TRIM2: variants seen among roughly 807,000 people sequenced by gnomAD.
The protein encoded by TRIM2 is tripartite motif containing 2.
In TRIM2, 20 loss-of-function variants were observed where a neutral mutation model predicts 75.2. That is an observed-to-expected ratio of 0.27 (90% confidence interval 0.19 to 0.39). The LOEUF (loss-of-function observed/expected upper bound fraction) is 0.39, where lower values mean the gene tolerates loss of function less well. Among genes scored for constraint, TRIM2 ranks in the 10% least tolerant of loss-of-function variants. The pLI is 1.00. For missense variants in TRIM2, 660 were observed against 990.8 expected (o/e 0.67, Z 4.48); for synonymous variants, 373 against 388.3 (o/e 0.96, Z 0.46).
At chr4:153,300,008 T>C (rs1157044176) in intron 6 of TRIM2, among the ~76,000 whole-genome samples, 1 of 152,232 alleles carries the variant, frequency 6.6e-6, no homozygotes, top group Non-Finnish European at 1.5e-5. Context: ...CACCCTTCTA[T>C]AGAAGTAAAA....
At chr4:153,173,641 C>T (rs7671132) in intron 1 of TRIM2, among the ~76,000 whole-genome samples, 71,427 of 150,028 alleles carry the variant, frequency 0.48, 17,124 homozygotes, top group African/African-American at 0.54. Context: ...CCAGCCTGGA[C>T]GACAAGAGCA....
In TRIM2 at chr4:153,248,146, C is replaced by T. The variant is rs1210290552; in HGVS notation, c.31-22189C>T. Among the ~76,000 whole-genome samples, 1 of 152,076 alleles carries T rather than the reference C, an allele frequency of 6.6e-6. No homozygotes were observed. Among genetic ancestry groups the T allele is most frequent in the Admixed American group, 6.6e-5 (1 of 15,260 alleles). On this transcript the variant is annotated intron_variant, in intron 1 of 11. Transcript: ENST00000338700. This position sits in a 1 kb window ranked among gnomAD's most constrained non-coding sequence, Gnocchi z 4.0. The stretch of plus-strand genomic sequence containing the variant: ...GAATAGCTGGGATTACAGGCGCCTG[C>T]CACCATGCCCGGCTAATTTTTATAC...
intron 11 of TRIM2, among the ~76,000 whole-genome samples, chr4:153,330,567 T>TA (rs932249404): frequency 2.6e-5 from 4 of 151,956 alleles, no homozygotes; most frequent in African/African-American, 9.7e-5. Flanking sequence ...AAAATAAAAA[T>TA]AAAGAAAATC....
chr4:153,168,501 C>T (rs914052493), intron 1 of TRIM2, among the ~76,000 whole-genome samples: 7 of 152,034 alleles, frequency 4.6e-5, no homozygotes, highest in Non-Finnish European at 1.0e-4. Flanking sequence ...TGACCAAAGG[C>T]AGGCACTGGG....
At chr4:153,276,824 T>C (rs983878533) in intron 3 of TRIM2, among the ~76,000 whole-genome samples, 2 of 152,228 alleles carry the variant, frequency 1.3e-5, no homozygotes, top group African/African-American at 4.8e-5. Context: ...TATTAAACTC[T>C]CTGCGTCTCA....
At chr4:153,222,062 A>AAGG (rs1553966652) in intron 1 of TRIM2, among the ~76,000 whole-genome samples, 1 of 147,924 alleles carries the variant, frequency 6.8e-6, no homozygotes, top group African/African-American at 2.5e-5. Flanking sequence ...GGGAGGAAGG[A>AAGG]AGGAAGGAAA....
At chr4:153,290,186 T>C (rs1369423611) in intron 3 of TRIM2, among the ~76,000 whole-genome samples, 1 of 152,200 alleles carries the variant, frequency 6.6e-6, no homozygotes, top group Non-Finnish European at 1.5e-5. Flanking sequence ...TCTCAGAATT[T>C]AGTGGGGAAT....
chr4:153,261,025 T>G (rs1411562084), intron 1 of TRIM2, among the ~76,000 whole-genome samples: 1 of 152,210 alleles, frequency 6.6e-6, no homozygotes, highest in African/African-American at 2.4e-5. Context: ...ATACTGTGAT[T>G]TATAGATAAT....
At chr4:153,233,777 C>G (rs1391721231) in intron 1 of TRIM2, among the ~76,000 whole-genome samples, 3 of 152,112 alleles carry the variant, frequency 2.0e-5, no homozygotes, top group African/African-American at 4.8e-5. Context: ...CATTCAGGGT[C>G]TATGATATCT....
chr4:153,190,974 C>T (rs542608473), intron 1 of TRIM2, among the ~76,000 whole-genome samples: 29 of 152,236 alleles, frequency 1.9e-4, no homozygotes, highest in African/African-American at 6.3e-4. Context: ...TGACCCCAAG[C>T]GATCCACCAC....
intron 11 of TRIM2, among the ~76,000 whole-genome samples, chr4:153,331,869 A>G (rs1344884841): frequency 2.0e-5 from 3 of 152,238 alleles, no homozygotes; most frequent in Non-Finnish European, 4.4e-5. Flanking sequence ...GCATTTTGAC[A>G]AAGGTACAAA....
chr4:153,263,304 G>A (rs960040143), intron 1 of TRIM2, among the ~76,000 whole-genome samples: 3 of 152,004 alleles, frequency 2.0e-5, no homozygotes, highest in East Asian at 1.9e-4. Context: ...ACTGCAGCAC[G>A]GGTGACAGAG....
chr4:153,197,243 A>G (rs957276743), intron 1 of TRIM2, among the ~76,000 whole-genome samples: 1 of 152,180 alleles, frequency 6.6e-6, no homozygotes, highest in African/African-American at 2.4e-5. Flanking sequence ...TCACCTCCTT[A>G]ATGGGTTGTG....
chr4:153,261,274 T>G (rs1753510163), intron 1 of TRIM2, among the ~76,000 whole-genome samples: 1 of 152,082 alleles, frequency 6.6e-6, no homozygotes, highest in African/African-American at 2.4e-5. Context: ...ATACAAAAAT[T>G]TAGCTGGTTG....
At chr4:153,181,548 A>C (rs1732060396) in intron 1 of TRIM2, among the ~76,000 whole-genome samples, 1 of 152,190 alleles carries the variant, frequency 6.6e-6, no homozygotes, top group Non-Finnish European at 1.5e-5. Context: ...TCATGACCAC[A>C]CATGCTGCCA....
chr4:153,243,337 A>G (rs933235619), intron 1 of TRIM2, among the ~76,000 whole-genome samples: 9 of 152,138 alleles, frequency 5.9e-5, no homozygotes, highest in African/African-American at 1.9e-4. Flanking sequence ...TGAAGGGGTG[A>G]CTCTTTTCGT....
At chr4:153,260,554 G>A (rs1753145434) in intron 1 of TRIM2, among the ~76,000 whole-genome samples, 1 of 151,980 alleles carries the variant, frequency 6.6e-6, no homozygotes, top group East Asian at 1.9e-4. Context: ...TGAGGAAGCT[G>A]TCATATATCT....
chr4:153,195,612 G>A (rs776758442), intron 1 of TRIM2, among the ~76,000 whole-genome samples: 5 of 152,192 alleles, frequency 3.3e-5, no homozygotes, highest in Non-Finnish European at 7.3e-5. Context: ...CCCTACATTT[G>A]TGTTGTTTTA....
At chr4:153,244,281 T>C (rs1300104979) in intron 1 of TRIM2, among the ~76,000 whole-genome samples, 2 of 21,408 alleles carry the variant, frequency 9.3e-5, no homozygotes, top group Admixed American at 4.3e-4. Context: ...CTCCTCCTCC[T>C]CCTCCTCCTC....
Sources: allele counts gnomAD v4.1 joint callset (sites outside exome capture counted in the v4.1 genomes callset), GRCh38; gene constraint gnomAD v4.1.1; non-coding constraint Gnocchi (gnomAD v3.1); transcripts MANE v1.5; gene names NCBI Gene and HGNC (gene_info 2026-07-23, HGNC 2026-07-21).